Variants in OSBPL9 observed in about 807,000 individuals in gnomAD.
OSBPL9 encodes the protein oxysterol-binding protein-related protein 9.
A neutral mutation model predicts 106.6 loss-of-function variants in OSBPL9; 40 were observed. That is an observed-to-expected ratio of 0.38 (90% CI 0.29 to 0.49). The LOEUF (loss-of-function observed/expected upper bound fraction) is 0.49. OSBPL9 is among the 20% of genes least tolerant of loss of function. The pLI, the probability that OSBPL9 is intolerant of heterozygous loss-of-function variation, is 0.97. For missense variants in OSBPL9, 609 were observed against 887.2 expected, an observed-to-expected ratio of 0.69 and a Z score of 3.98; for synonymous variants, 269 against 295.4, an observed-to-expected ratio of 0.91 and a Z score of 0.92.
chr1:51,704,579 C>T (rs957316960), intron 3 of OSBPL9, among the ~76,000 whole-genome samples: 2 of 152,198 alleles, frequency 1.3e-5, no homozygotes, highest in Non-Finnish European at 2.9e-5. Flanking sequence ...TATTTCCTCA[C>T]AGTTCTGGAG....
intron 1 of OSBPL9, among the ~76,000 whole-genome samples, chr1:51,641,829 G>A (rs947848962): frequency 6.6e-6 from 1 of 152,148 alleles, no homozygotes; most frequent in African/African-American, 2.4e-5. Context: ...AGAATAAATT[G>A]ATTTTCACAC....
chr1:51,673,215 A>G (rs1650323842), intron 3 of OSBPL9, among the ~76,000 whole-genome samples: 2 of 152,228 alleles, frequency 1.3e-5, no homozygotes, highest in Admixed American at 6.5e-5. Context: ...AGGATCAGCA[A>G]CTATGTCAAA....
chr1:51,545,412 A>G, the OSBPL9 span, among the ~76,000 whole-genome samples: 4 of 152,326 alleles, frequency 2.6e-5, no homozygotes, highest in African/African-American at 7.2e-5. Context: ...CTAAAAATAA[A>G]AAATAAAAAA....
At chr1:51,675,905 A>G (rs1009837445) in intron 3 of OSBPL9, among the ~76,000 whole-genome samples, 2 of 152,198 alleles carry the variant, frequency 1.3e-5, no homozygotes, top group Non-Finnish European at 2.9e-5. Flanking sequence ...TATGAGTTTT[A>G]ACTGAATAGT....
chr1:51,612,433 T>A (rs1643995095), upstream of OSBPL9, among the ~76,000 whole-genome samples: 1 of 152,232 alleles, frequency 6.6e-6, no homozygotes, highest in Admixed American at 6.5e-5. Context: ...CTGAGTCTAG[T>A]CCTTTTTTTC....
chr1:51,670,704 A>G (rs944086425), intron 3 of OSBPL9, among the ~76,000 whole-genome samples: 6 of 152,256 alleles, frequency 3.9e-5, no homozygotes, highest in Non-Finnish European at 7.3e-5. Context: ...TGCTTTAATA[A>G]CGATGCTGTC....
chr1:51,534,871 C>G, the OSBPL9 span, among the ~76,000 whole-genome samples: 1 of 152,188 alleles, frequency 6.6e-6, no homozygotes, highest in Non-Finnish European at 1.5e-5. Context: ...AACGAAGGGG[C>G]TCTATTCATC....
At chr1:51,772,814 A>G (rs535066663) in intron 14 of OSBPL9, 91 bp downstream of exon 14, 3 of 908,034 alleles carry the variant, frequency 3.3e-6, no homozygotes, top group South Asian at 1.3e-5. Context: ...GTAAAATGAC[A>G]TAATTTCTTT....
intron 3 of OSBPL9, chr1:51,708,265 T>C (rs1483961337): frequency 6.3e-5 from 6 of 94,786 alleles, no homozygotes; most frequent in African/African-American, 2.6e-4. Flanking sequence ...TTTCTTTTTC[T>C]TTTTTTTTTT....
intron 1 of OSBPL9, among the ~76,000 whole-genome samples, chr1:51,641,936 T>G (rs574576749): frequency 6.6e-6 from 1 of 152,194 alleles, no homozygotes; most frequent in Non-Finnish European, 1.5e-5. Flanking sequence ...CAGCATTCCT[T>G]AGATGTTTCT....
chr1:51,729,836 C>G lies in OSBPL9; in HGVS notation c.319-15700C>G. On this transcript the variant is annotated intron_variant, in intron 4 of 23. Transcript: ENST00000428468. This position sits in a 1 kb window ranked among gnomAD's most constrained non-coding sequence, Gnocchi z 5.1. ...GGGTGAAGGGGGTGAAGGGGGTGTC[C>G]CGGGGGACGGGCTGAACCTCAGTCA... The G allele has an allele frequency of 8.0e-7, 1 of 1,245,316 alleles. No individual in the cohort carries two copies. The highest frequency in any genetic ancestry group is 4.2e-5 in the Admixed American group (1 of 23,692). 77.1% of individuals were successfully genotyped at this position (1,245,316 alleles called of 1,614,324 possible).
chr1:51,534,987 C>T, the OSBPL9 span, among the ~76,000 whole-genome samples: 2 of 152,160 alleles, frequency 1.3e-5, no homozygotes, highest in African/African-American at 4.8e-5. Flanking sequence ...ATGTGAGACC[C>T]TCTCACCCTC....
At chr1:51,786,977 A>G (rs533918782) in intron 22 of OSBPL9, among the ~76,000 whole-genome samples, 128 of 152,318 alleles carry the variant, frequency 8.4e-4, no homozygotes, top group Admixed American at 3.3e-3. Flanking sequence ...GGAACTTCTC[A>G]GTTCCTCTAA....
chr1:51,643,552 G>A (rs1184607680), intron 1 of OSBPL9, among the ~76,000 whole-genome samples: 1 of 152,142 alleles, frequency 6.6e-6, no homozygotes, highest in Non-Finnish European at 1.5e-5. Context: ...GGATGATGGG[G>A]TATTTTGAGG....
intron 1 of OSBPL9, among the ~76,000 whole-genome samples, chr1:51,648,718 C>T (rs1646321932): frequency 2.0e-5 from 3 of 152,194 alleles, no homozygotes; most frequent in Admixed American, 2.0e-4. Flanking sequence ...AACTCAGCCA[C>T]ATTTTACATA....
rs191790961 is a variant in OSBPL9 at position 51,755,237 on chromosome 1, C to T, written c.544-1083C>T. Among the ~76,000 whole-genome samples, 17 of 152,058 alleles carry T rather than the reference C, an allele frequency of 1.1e-4. No homozygotes were observed. The South Asian group carries it at 1.9e-3, about 17-fold the overall frequency. On this transcript the variant is annotated intron_variant, in intron 8 of 23. Coordinates refer to ENST00000428468, the MANE Select transcript of OSBPL9 (RefSeq NM_024586.6). ...CACCAAGATTGTACTCTAGGGTAGA[C>T]GGCCAATAAAGAGATAAATAAACAA...
At chr1:51,640,777 G>A (rs1225462007) in intron 1 of OSBPL9, among the ~76,000 whole-genome samples, 1 of 151,838 alleles carries the variant, frequency 6.6e-6, no homozygotes, top group Non-Finnish European at 1.5e-5. Flanking sequence ...AGATAGGGTG[G>A]GAATAATAGT....
chr1:51,697,186 A>G (rs1656213866), intron 3 of OSBPL9, among the ~76,000 whole-genome samples: 1 of 151,954 alleles, frequency 6.6e-6, no homozygotes, highest in African/African-American at 2.4e-5. Context: ...AAAAGAAAGA[A>G]AAAAGAAAAA....
rs571574297 is a variant in OSBPL9, at chr1:51,712,169, G to C, written c.242-1834G>C. ...ACTCCGTCTGCAATCCCGGCACCTC[G>C]GGAGGCCGAGGCTGGCGGATCACTC... On this transcript the variant is annotated intron_variant, in intron 3 of 23. Coordinates refer to ENST00000428468, the MANE Select transcript of OSBPL9 (RefSeq NM_024586.6). 4.6e-5 allele frequency among the ~76,000 whole-genome samples: 7 copies of C among 152,208 alleles called. No individual in the cohort carries two copies. The East Asian group carries it at 9.6e-4, about 21-fold the overall frequency.
Sources: gnomAD v4.1 joint callset for allele counts (sites outside exome capture counted in the v4.1 genomes callset) on GRCh38, gnomAD v4.1.1 for gene constraint, Gnocchi (gnomAD v3.1) non-coding constraint, MANE v1.5 for transcripts, NCBI Gene and HGNC (gene_info 2026-07-23, HGNC 2026-07-21) for gene names.